Variants in PCDHA3 observed in about 807,000 individuals in gnomAD.
PCDHA3 encodes the protein protocadherin alpha 3, also known as protocadherin alpha-3.
In PCDHA3, 41 loss-of-function variants were observed where a neutral mutation model predicts 62.2. The ratio of observed to expected loss-of-function variants is 0.66; its 90% CI spans 0.51 to 0.86. PCDHA3 has a LOEUF of 0.86. Among genes scored for constraint, PCDHA3 ranks in the 40% least tolerant of loss-of-function variants. The pLI is 0.00. For missense variants in PCDHA3, 1,304 were observed against 1,241.2 expected, an observed-to-expected ratio of 1.05 and a Z score of -0.76; for synonymous variants, 640 against 555.4, an observed-to-expected ratio of 1.15 and a Z score of -2.14.
At chr5:140,967,671 A>G in intron 1 of PCDHA3, 1 of 1,614,130 alleles carries the variant, frequency 6.2e-7, no homozygotes, top group Non-Finnish European at 8.5e-7. Context: ...TACACGTCGG[A>G]CCGGGAGAGG....
chr5:140,971,943 A>T (rs2096507947), intron 1 of PCDHA3, among the ~76,000 whole-genome samples: 1 of 152,186 alleles, frequency 6.6e-6, no homozygotes, highest in Non-Finnish European at 1.5e-5. Flanking sequence ...AGTTGTATCC[A>T]TCTGACTCCA....
intron 2 of PCDHA3, 96 bp from the exon 3 acceptor site, chr5:140,982,379 C>T (rs959359344): frequency 1.4e-5 from 22 of 1,575,004 alleles, no homozygotes; most frequent in South Asian, 3.5e-5. Context: ...TAGCTGCAGC[C>T]CTGGCTTCAT....
intron 1 of PCDHA3, chr5:140,868,337 C>T (rs1380091281): frequency 1.3e-5 from 2 of 151,836 alleles, no homozygotes; most frequent in African/African-American, 2.4e-5. Context: ...TATAAAGTCA[C>T]TTATAATCAG....
At chr5:140,938,937 C>T (rs1302555937) in intron 1 of PCDHA3, among the ~76,000 whole-genome samples, 4 of 152,070 alleles carry the variant, frequency 2.6e-5, no homozygotes, top group African/African-American at 9.7e-5. Context: ...TTTAACTTTC[C>T]ATTCTTATAA....
intron 3 of PCDHA3, among the ~76,000 whole-genome samples, chr5:140,998,223 G>A (rs1554256200): frequency 6.6e-6 from 1 of 152,140 alleles, no homozygotes; most frequent in Non-Finnish European, 1.5e-5. Context: ...ACCACACCCA[G>A]AAATTTGTGC....
intron 1 of PCDHA3, chr5:140,968,689 A>T: frequency 2.5e-6 from 4 of 1,614,124 alleles, no homozygotes; most frequent in Non-Finnish European, 3.4e-6. Context: ...ACACAGGAGA[A>T]ATTAGGACTA....
At chr5:140,976,248 T>G (rs1476905185) in intron 1 of PCDHA3, among the ~76,000 whole-genome samples, 5 of 152,032 alleles carry the variant, frequency 3.3e-5, no homozygotes, top group African/African-American at 9.7e-5. Context: ...TCATGTAAAT[T>G]TATTTAAAAC....
At chr5:140,829,576 G>A (rs2150170458) in intron 1 of PCDHA3, 2 of 1,612,390 alleles carry the variant, frequency 1.2e-6, no homozygotes, top group Admixed American at 3.3e-5. Context: ...ACTCGCTGGT[G>A]GAGCGGCGGG....
rs2150224135 is a variant in PCDHA3, at chr5:140,834,676, G to A, written c.2394+31085G>A. The A allele has an allele frequency of 3.3e-5, 53 of 1,614,126 alleles. No individual in the cohort carries two copies. Among genetic ancestry groups the A allele is most frequent in the Non-Finnish European group, 4.2e-5 (50 of 1,180,052 alleles). On this transcript the variant is annotated intron_variant, in intron 1 of 3. Coordinates refer to ENST00000522353, the MANE Select transcript of PCDHA3 (RefSeq NM_018906.3). ...ATCGACCGCGAGGAGCTGTGCGGGC[G>A]GAGCGCGGAGTGCAGCATCCACCTG...
intron 1 of PCDHA3, chr5:140,876,169 C>T (rs782706242): frequency 3.1e-6 from 5 of 1,613,798 alleles, no homozygotes; most frequent in Non-Finnish European, 4.2e-6. Context: ...AATAACCGTC[C>T]TGGATGTGAA....
chr5:140,971,488 A>C (rs17119328), intron 1 of PCDHA3, among the ~76,000 whole-genome samples: 9,487 of 152,206 alleles, frequency 0.062, 310 homozygotes, highest in African/African-American at 0.074. Flanking sequence ...ACATTGTTAC[A>C]GTGTGGCAAG....
In PCDHA3 at chr5:141,006,360, C is replaced by T. The variant is rs898915080; in HGVS notation, c.2543-3267C>T. ...CTGAGTAGCTGGGACTATAGGCGCC[C>T]ACCACCACGCCCGGCTAAGTTTTTT... On this transcript the variant is annotated intron_variant, in intron 3 of 3. Coordinates refer to ENST00000522353, the MANE Select transcript of PCDHA3 (RefSeq NM_018906.3). Among the ~76,000 whole-genome samples, 9 of 151,982 alleles carry T rather than the reference C, an allele frequency of 5.9e-5. 1 individual carries two copies. The highest frequency in any genetic ancestry group is 1.2e-4 in the Non-Finnish European group (8 of 67,998).
At chr5:140,995,510 G>A (rs1554254709) in intron 3 of PCDHA3, among the ~76,000 whole-genome samples, 1 of 152,142 alleles carries the variant, frequency 6.6e-6, no homozygotes, top group African/African-American at 2.4e-5. Flanking sequence ...GTGGGTAACT[G>A]AAGCCTCAGA....
rs137969621 is a variant in PCDHA3, at chr5:140,884,072, G to T, written c.2394+80481G>T. The T allele has an allele frequency of 9.1e-5, 147 of 1,613,476 alleles. 1 individual carries two copies. In the African/African-American group the frequency reaches 1.7e-3, roughly 19 times the overall value. On this transcript the variant is annotated intron_variant, in intron 1 of 3. Coordinates refer to ENST00000522353, the MANE Select transcript of PCDHA3 (RefSeq NM_018906.3). ...GGTGCGCGCGGTGGACGCCGATTCGGGCTACAATGCGTGGCTTTCGTATGA... is the reference window on the plus strand; with the variant it reads ...GGTGCGCGCGGTGGACGCCGATTCGTGCTACAATGCGTGGCTTTCGTATGA...
chr5:140,882,032 T>C (rs2058914811), intron 1 of PCDHA3: 2 of 623,536 alleles, frequency 3.2e-6, no homozygotes, highest in Non-Finnish European at 5.1e-6. Flanking sequence ...ATGGAAAATA[T>C]GAAGACTGAG....
At chr5:140,925,231 G>A (rs2082401450) in intron 1 of PCDHA3, among the ~76,000 whole-genome samples, 1 of 152,154 alleles carries the variant, frequency 6.6e-6, no homozygotes, top group Non-Finnish European at 1.5e-5. Flanking sequence ...GTTTCTACCA[G>A]AAAATATGTC....
At chr5:140,841,597 C>G (rs2150318902) in intron 1 of PCDHA3, 20 of 1,614,072 alleles carry the variant, frequency 1.2e-5, no homozygotes, top group East Asian at 2.2e-5. Context: ...GGATCGACCG[C>G]GAGGAGCTGT....
In PCDHA3 at chr5:140,961,268, T is replaced by C. The variant is rs116524101; in HGVS notation, c.2395-17681T>C. Reference sequence around the variant, plus strand: ...TATCCGAAGCTCCAGGAAGCTTCTTTTTACCATGGCTCTGTTTCTTGAGGT... The same window carrying C: ...TATCCGAAGCTCCAGGAAGCTTCTTCTTACCATGGCTCTGTTTCTTGAGGT... On this transcript the variant is annotated intron_variant, in intron 1 of 3. Coordinates refer to ENST00000522353, the MANE Select transcript of PCDHA3 (RefSeq NM_018906.3). Among the ~76,000 whole-genome samples the C allele has an allele frequency of 5.5e-3, 833 of 152,318 alleles. 9 individuals carry two copies. The highest frequency in any genetic ancestry group is 0.019 in the African/African-American group (777 of 41,562).
In PCDHA3 at chr5:140,852,833, T is replaced by C; in HGVS notation, c.2394+49242T>C. 14 of 971,734 alleles carry C rather than the reference T, an allele frequency of 1.4e-5. 1 individual carries two copies. Among genetic ancestry groups the C allele is most frequent in the Non-Finnish European group, 1.5e-5 (12 of 804,770 alleles). 60.2% of individuals were successfully genotyped at this position (971,734 alleles called of 1,614,324 possible). On this transcript the variant is annotated intron_variant, in intron 1 of 3. Transcript: ENST00000522353. ...CCCGCCCTAAGTCCTCCAGTCTCCT[T>C]AGAGCTAGTACTTACTAAGCATTTA...
Sources: allele counts gnomAD v4.1 joint callset (sites outside exome capture counted in the v4.1 genomes callset), GRCh38; gene constraint gnomAD v4.1.1; transcripts MANE v1.5; gene names NCBI Gene and HGNC (gene_info 2026-07-23, HGNC 2026-07-21).